Variants in KMT2A observed in about 807,000 individuals in gnomAD.
KMT2A encodes the protein histone-lysine N-methyltransferase 2A.
In KMT2A, 16 loss-of-function variants were observed where a neutral mutation model predicts 345.3. The observed-to-expected ratio is 0.05, with a 90% CI of 0.03 to 0.07. KMT2A has a LOEUF of 0.07. Ranked by LOEUF, KMT2A falls within the 10% of genes least tolerant of loss-of-function variation. The pLI, the probability that KMT2A is intolerant of heterozygous loss-of-function variation, is 1.00. For synonymous variants in KMT2A, 1,599 were observed against 1,778.6 expected (o/e 0.90, Z 2.54); for missense variants, 3,272 against 4,841.6 (o/e 0.68, Z 9.62).
intron 1 of KMT2A, among the ~76,000 whole-genome samples, chr11:118,447,025 C>G (rs1344644201): frequency 1.3e-5 from 2 of 152,132 alleles, no homozygotes; most frequent in African/African-American, 4.8e-5. Flanking sequence ...AAAGTCTTTC[C>G]CATTTTGACC....
intron 1 of KMT2A, among the ~76,000 whole-genome samples, chr11:118,440,127 C>T (rs1223857621): frequency 2.6e-5 from 4 of 152,106 alleles, no homozygotes; most frequent in African/African-American, 9.7e-5. Flanking sequence ...CTCTGGTTCG[C>T]CTTCAGTGAA....
chr11:118,493,563 T>G lies in KMT2A; in HGVS notation c.5178+333T>G, dbSNP rs1331373535. On this transcript the variant is annotated intron_variant, in intron 16 of 35. Coordinates refer to ENST00000534358, the MANE Select transcript of KMT2A (RefSeq NM_001197104.2). This position sits in a 1 kb window ranked among gnomAD's most constrained non-coding sequence, Gnocchi z 5.8. ...AATTAATTGGTTCTCCCTCCCCTTT[T>G]GAGATCAGATCTGAATAATGTGCCT... Among the ~76,000 whole-genome samples, 1 of 152,216 alleles carries G rather than the reference T, an allele frequency of 6.6e-6. No individual in the cohort carries two copies. The highest frequency in any genetic ancestry group is 6.5e-5 in the Admixed American group (1 of 15,274).
Position 118,505,038 on chromosome 11 carries a change from A to G in KMT2A, c.9146A>G (p.Tyr3049Cys). 6.2e-7 allele frequency: 1 copy of G among 1,614,162 alleles called. No individual in the cohort carries two copies. The highest frequency in any genetic ancestry group is 8.5e-7 in the Non-Finnish European group (1 of 1,180,022). The change falls in exon 27 of 36, where the codon TAT (tyrosine) becomes TGT (cysteine). Residue 3049 changes from tyrosine (Y) to cysteine (C), a missense_variant. By Grantham distance (194) the Tyr-to-Cys change is radical. Around this residue, in one of 27 missense-constraint regions of KMT2A, gnomAD observed 748 missense variants for 922.2 expected, o/e 0.81. Coordinates refer to ENST00000534358, the MANE Select transcript of KMT2A (RefSeq NM_001197104.2). This position sits in a 1 kb window ranked among gnomAD's most constrained non-coding sequence, Gnocchi z 4.6. ...ACTGTTCCCATCCAGAACCAGAAGT[A>G]TGTGCCCAATTCTACTGATAGTCCT... ...SPTVPIQNQK[Y>C]VPNSTDSPGP...
intron 1 of KMT2A, among the ~76,000 whole-genome samples, chr11:118,451,611 A>T (rs1006491215): frequency 6.7e-6 from 1 of 150,374 alleles, no homozygotes; most frequent in Non-Finnish European, 1.5e-5. Context: ...CTGGTCTCGA[A>T]CTCCTGACCT....
chr11:118,448,393 A>T (rs537345741), intron 1 of KMT2A: 27 of 152,304 alleles, frequency 1.8e-4, no homozygotes, highest in African/African-American at 6.5e-4. Context: ...TTAGTATTAT[A>T]AAAGCCTCTG....
At chr11:118,516,203 G>T (rs1419955294) in intron 31 of KMT2A, among the ~76,000 whole-genome samples, 1 of 152,174 alleles carries the variant, frequency 6.6e-6, no homozygotes, top group African/African-American at 2.4e-5. Context: ...GTACCATGAA[G>T]AAGATAACAT....
chr11:118,522,039 T>C lies in KMT2A; in HGVS notation c.11786T>C (p.Ile3929Thr). The C allele has an allele frequency of 1.2e-6, 2 of 1,614,200 alleles. No individual in the cohort carries two copies. The highest frequency in any genetic ancestry group is 1.7e-6 in the Non-Finnish European group (2 of 1,180,038). Residue 3929 changes from isoleucine (I) to threonine (T), a missense_variant, in exon 36 of 36, where the codon ATT (isoleucine) becomes ACT (threonine). Coordinates refer to ENST00000534358, the MANE Select transcript of KMT2A (RefSeq NM_001197104.2). This position sits in a 1 kb window ranked among gnomAD's most constrained non-coding sequence, Gnocchi z 5.4. ...ATCAATATTGATGGGCAGAAGCACA[T>C]TGTCATCTTTGCCATGCGTAAGATC... ...RVINIDGQKH[I>T]VIFAMRKIYR...
intron 1 of KMT2A, among the ~76,000 whole-genome samples, chr11:118,442,581 G>C (rs555997103): frequency 8.3e-4 from 126 of 152,302 alleles, no homozygotes; most frequent in African/African-American, 3.0e-3. Flanking sequence ...TGAAATTATT[G>C]ATTGCTCCTA....
In KMT2A at chr11:118,474,168, T is replaced by C; in HGVS notation, c.3009T>C (p.Thr1003=). The C allele has an allele frequency of 1.2e-6, 2 of 1,614,162 alleles. No homozygotes were observed. Among genetic ancestry groups the C allele is most frequent in the Non-Finnish European group, 1.7e-6 (2 of 1,180,016 alleles). ...TPSSSTVKHS[T]SSIGSMLAQA... is the part of the protein sequence containing the mutation. ...CATCTAGCACTGTTAAACATTCCAC[T>C]TCCTCCATAGGCTCCATGTTGGCTC... is the stretch of plus-strand genomic sequence containing the variant. The change falls in exon 3 of 36, where the codon ACT becomes ACC. Residue 1003 remains threonine (T), a synonymous_variant. Coordinates refer to ENST00000534358, the MANE Select transcript of KMT2A (RefSeq NM_001197104.2).
intron 1 of KMT2A, among the ~76,000 whole-genome samples, chr11:118,452,416 C>A (rs1949557888): frequency 6.6e-6 from 1 of 152,076 alleles, no homozygotes; most frequent in African/African-American, 2.4e-5. Flanking sequence ...ACTGTAGTCC[C>A]AGCTCCTCAG....
rs903678554 is a variant in KMT2A, at chr11:118,496,196, C to A, written c.5558-65C>A. The A allele has an allele frequency of 8.7e-6, 10 of 1,153,632 alleles. No individual in the cohort carries two copies. The highest frequency in any genetic ancestry group is 1.5e-5 in the African/African-American group (1 of 65,324). 71.5% of individuals were successfully genotyped at this position (1,153,632 alleles called of 1,614,324 possible). A position where few individuals can be genotyped will look rare whatever the true frequency, so the allele number is the denominator to read the frequency against. ...GAATTATTTCTTTTTTCCTTGAAAT[C>A]AGACATAGTATTGCCAATTTTAACT... On this transcript the variant is annotated intron_variant, in intron 19 of 35. Transcript: ENST00000534358. This position sits in a 1 kb window ranked among gnomAD's most constrained non-coding sequence, Gnocchi z 4.7.
intron 1 of KMT2A, among the ~76,000 whole-genome samples, chr11:118,466,315 G>C (rs1949843135): frequency 6.6e-6 from 1 of 152,128 alleles, no homozygotes; most frequent in Non-Finnish European, 1.5e-5. Context: ...GAGTGACAGA[G>C]TGAGCACTGG....
chr11:118,515,732 G>T (rs941231364), intron 31 of KMT2A, among the ~76,000 whole-genome samples: 3 of 142,696 alleles, frequency 2.1e-5, no homozygotes, highest in Non-Finnish European at 4.5e-5. Context: ...TGTTGCCCAG[G>T]CTGGAGTGTG....
chr11:118,490,346 CATT>C lies in KMT2A; in HGVS notation c.4696+100_4696+102del. 1 of 1,287,462 alleles carries C rather than the reference CATT, an allele frequency of 7.8e-7. No individual in the cohort carries two copies. Among genetic ancestry groups the C allele is most frequent in the Non-Finnish European group, 1.0e-6 (1 of 962,488 alleles). 79.8% of individuals were successfully genotyped at this position (1,287,462 alleles called of 1,614,324 possible). A position where few individuals can be genotyped will look rare whatever the true frequency, so the allele number is the denominator to read the frequency against. The stretch of plus-strand genomic sequence containing the variant: ...GTGAAATGAAATAAAAAGTCTCACA[CATT>C]ATGTCAAGGATACCATTTAGACACA... On this transcript the variant is annotated intron_variant, in intron 13 of 35. Transcript: ENST00000534358. This position sits in a 1 kb window ranked among gnomAD's most constrained non-coding sequence, Gnocchi z 4.2.
intron 1 of KMT2A, among the ~76,000 whole-genome samples, chr11:118,457,956 A>G (rs1487668075): frequency 6.6e-6 from 1 of 152,074 alleles, no homozygotes; most frequent in Non-Finnish European, 1.5e-5. Context: ...CTGTTTTCAT[A>G]CCGTAGCCTA....
At chr11:118,500,298 C>A (rs554592127) in intron 24 of KMT2A, among the ~76,000 whole-genome samples, 1 of 152,244 alleles carries the variant, frequency 6.6e-6, no homozygotes, top group African/African-American at 2.4e-5. Flanking sequence ...AACTATAAAT[C>A]CACACAATAA....
In KMT2A at chr11:118,494,759, A is replaced by G. The variant is rs1950377805; in HGVS notation, c.5355A>G (p.Val1785=). The change falls in exon 18 of 36, where the codon GTA becomes GTG. Residue 1785 remains valine (V), a synonymous_variant. Coordinates refer to ENST00000534358, the MANE Select transcript of KMT2A (RefSeq NM_001197104.2). The surrounding 1 kb of genome is among the most constrained non-coding windows in gnomAD (Gnocchi z 5.8). Reference sequence around the variant, plus strand: ...CCAGGTTTTGGGAGCCAAATAAAGTATCAAGCAAGTAAGTGAATTTAGCAT... The same window carrying G: ...CCAGGTTTTGGGAGCCAAATAAAGTGTCAAGCAAGTAAGTGAATTTAGCAT... ...KKSRFWEPNK[V]SSNSGMLPNA... is the part of the protein sequence containing the mutation. 6.2e-7 allele frequency: 1 copy of G among 1,613,176 alleles called. No homozygotes were observed. The highest frequency in any genetic ancestry group is 1.1e-5 in the South Asian group (1 of 91,010).
chr11:118,510,674 A>T lies in KMT2A; in HGVS notation c.11071+556A>T, dbSNP rs1555049834. 6.6e-6 allele frequency among the ~76,000 whole-genome samples: 1 copy of T among 152,140 alleles called. No homozygotes were observed. The highest frequency in any genetic ancestry group is 1.9e-4 in the East Asian group (1 of 5,190). ...TCACTCACTCAACAGCGAGCTCTCC[A>T]TAAGGGCTGGAATTTTATTTTCTTA... On this transcript the variant is annotated intron_variant, in intron 30 of 35. Transcript: ENST00000534358. This position sits in a 1 kb window ranked among gnomAD's most constrained non-coding sequence, Gnocchi z 4.1.
Position 118,484,250 on chromosome 11 carries a change from A to G in KMT2A, c.4154A>G (p.Asn1385Ser), listed in dbSNP as rs781973183. Reference protein sequence around the residue: ...GTLNILSTLSNGNSSKQKIPA... With the variant: ...GTLNILSTLSSGNSSKQKIPA... ...TTGAACATCCTCAGCACTCTCTCCA[A>G]TGGCAATAGTTCTAAGCAAAAAATT... Residue 1385 changes from asparagine (N) to serine (S), a missense_variant, in exon 9 of 36, where the codon AAT becomes AGT. Asn to Ser is a conservative substitution (Grantham distance 46). Transcript: ENST00000534358. The surrounding 1 kb of genome is among the most constrained non-coding windows in gnomAD (Gnocchi z 4.1). The G allele has an allele frequency of 1.7e-5, 27 of 1,614,046 alleles. No homozygotes were observed. The highest frequency in any genetic ancestry group is 8.3e-5 in the Admixed American group (5 of 60,004).
Sources: gnomAD v4.1 joint callset for allele counts (sites outside exome capture counted in the v4.1 genomes callset) on GRCh38, gnomAD v4.1.1 for gene constraint, gnomAD v4.1.1 regional missense constraint, Gnocchi (gnomAD v3.1) non-coding constraint, MANE v1.5 for transcripts, NCBI Gene and HGNC (gene_info 2026-07-23, HGNC 2026-07-21) for gene names.